ABHD5: variants seen among roughly 807,000 people sequenced by gnomAD.
ABHD5 encodes abhydrolase domain containing 5, lysophosphatidic acid acyltransferase, also known as 1-acylglycerol-3-phosphate O-acyltransferase ABHD5.
Under a neutral mutation model 44.9 loss-of-function variants are expected in ABHD5, and 30 were observed. The ratio of observed to expected loss-of-function variants is 0.67; its 90% confidence interval spans 0.50 to 0.91. ABHD5 has a LOEUF of 0.91. Ranked by LOEUF, ABHD5 falls within the 40% of genes least tolerant of loss-of-function variation. The pLI, the probability that ABHD5 is intolerant of heterozygous loss-of-function variation, is 0.00. For synonymous variants in ABHD5, 167 were observed against 147.0 expected (o/e 1.14, Z -0.99); for missense variants, 399 against 423.4 (o/e 0.94, Z 0.50).
Position 43,699,052 on chromosome 3 carries a change from A to G in ABHD5, c.48-224A>G, listed in dbSNP as rs145889109. 6.4e-4 allele frequency among the ~76,000 whole-genome samples: 98 copies of G among 152,304 alleles called. 2 individuals are homozygous for G. The highest frequency in any genetic ancestry group is 2.3e-3 in the African/African-American group (95 of 41,578). On this transcript the variant is annotated intron_variant, in intron 1 of 6. Coordinates refer to ENST00000644371, the MANE Select transcript of ABHD5 (RefSeq NM_016006.6). ...TGGAATCTGACTATCCATGAATAAG[A>G]TGGACTTTGAGATCTACTTGTAAGT...
At chr3:43,704,599 G>C (rs2084592048) in intron 3 of ABHD5, among the ~76,000 whole-genome samples, 1 of 152,162 alleles carries the variant, frequency 6.6e-6, no homozygotes. Context: ...ACCCTTCATA[G>C]CTCTCTACTG....
At chr3:43,715,246 C>T (rs554948492) in intron 5 of ABHD5, among the ~76,000 whole-genome samples, 188 bp downstream of exon 5, 13 of 152,168 alleles carry the variant, frequency 8.5e-5, no homozygotes, top group Middle Eastern at 3.4e-3. Context: ...CCACAACCTC[C>T]GCGTCCTGGG....
chr3:43,706,353 G>A (rs2084619149), intron 3 of ABHD5, among the ~76,000 whole-genome samples: 1 of 152,114 alleles, frequency 6.6e-6, no homozygotes, highest in Non-Finnish European at 1.5e-5. Flanking sequence ...GGGGGGAGCG[G>A]TAAGAGGAGG....
chr3:43,719,601 C>T lies in ABHD5; in HGVS notation c.*1069C>T, dbSNP rs1377414003. 1.3e-5 allele frequency: 2 copies of T among 152,146 alleles called. No homozygotes were observed. The highest frequency in any genetic ancestry group is 4.8e-5 in the African/African-American group (2 of 41,432). 9.4% of individuals were successfully genotyped at this position (152,146 alleles called of 1,614,324 possible). A position where few individuals can be genotyped will look rare whatever the true frequency, so the allele number is the denominator to read the frequency against. On this transcript the variant is annotated 3_prime_UTR_variant, in exon 7 of 7. Coordinates refer to ENST00000644371, the MANE Select transcript of ABHD5 (RefSeq NM_016006.6). Reference sequence around the variant, plus strand: ...GAGTATTGTGTTAATTAAATCATTACATACTTGAAGTTATATTACAAAAAT... The same window carrying T: ...GAGTATTGTGTTAATTAAATCATTATATACTTGAAGTTATATTACAAAAAT...
chr3:43,700,040 G>C (rs1423854719), intron 2 of ABHD5, among the ~76,000 whole-genome samples: 1 of 152,200 alleles, frequency 6.6e-6, no homozygotes, highest in Non-Finnish European at 1.5e-5. Flanking sequence ...TTCAGAGCAA[G>C]CAGCCTTGTA....
Position 43,722,432 on chromosome 3 carries a change from AT to A in ABHD5, c.*3901del, listed in dbSNP as rs2084847381. 6.6e-6 allele frequency: 1 copy of A among 152,232 alleles called. No individual in the cohort carries two copies. The highest frequency in any genetic ancestry group is 2.1e-4 in the South Asian group (1 of 4,832). The allele number at this position is 152,232 out of a possible 1,614,324, so 9.4% of individuals were successfully genotyped here. ...AGCAATAGAAGAATTAGTTATACCAATAACTAATAAAATGATCTCCTTGTTA... is the reference window on the plus strand; with the variant it reads ...AGCAATAGAAGAATTAGTTATACCAAAACTAATAAAATGATCTCCTTGTTA... On this transcript the variant is annotated 3_prime_UTR_variant, in exon 7 of 7. Transcript: ENST00000644371.
downstream of ABHD5, among the ~76,000 whole-genome samples, chr3:43,723,138 G>A (rs942080362): frequency 4.6e-5 from 7 of 152,134 alleles, no homozygotes; most frequent in African/African-American, 1.7e-4. Flanking sequence ...GTGAGCATCA[G>A]AAAGAATAAT....
At chr3:43,727,346 T>C (rs1241354547), downstream of ABHD5, among the ~76,000 whole-genome samples, 1 of 152,230 alleles carries the variant, frequency 6.6e-6, no homozygotes, top group Non-Finnish European at 1.5e-5. Flanking sequence ...TAGTCCCCAT[T>C]GGACCTTATT....
chr3:43,731,701 G>A (rs958730389), intron 7 of ABHD5, among the ~76,000 whole-genome samples: 3 of 152,038 alleles, frequency 2.0e-5, no homozygotes, highest in South Asian at 2.1e-4. Context: ...GTGTGGTGGC[G>A]CATGCCTGTA....
rs886058509 is a variant in ABHD5, at chr3:43,722,293, A to G, written c.*3761A>G. 2.0e-5 allele frequency: 3 copies of G among 152,240 alleles called. No homozygotes were observed. The highest frequency in any genetic ancestry group is 3.8e-4 in the East Asian group (2 of 5,206). The allele number at this position is 152,240 out of a possible 1,614,324, so 9.4% of individuals were successfully genotyped here. On this transcript the variant is annotated 3_prime_UTR_variant, in exon 7 of 7. Coordinates refer to ENST00000644371, the MANE Select transcript of ABHD5 (RefSeq NM_016006.6). ...ATTTTTGTAGTTCTGGTCTGGAGAAATCTCCAGAATATAGGAAATGAAAAA... is the reference window on the plus strand; with the variant it reads ...ATTTTTGTAGTTCTGGTCTGGAGAAGTCTCCAGAATATAGGAAATGAAAAA...
chr3:43,701,717 C>T (rs1452116926), intron 2 of ABHD5, among the ~76,000 whole-genome samples: 2 of 152,032 alleles, frequency 1.3e-5, no homozygotes, highest in Non-Finnish European at 2.9e-5. Flanking sequence ...ACATAGATAC[C>T]AGTAATCCTT....
intron 3 of ABHD5, among the ~76,000 whole-genome samples, chr3:43,710,647 A>G (rs940250047): frequency 1.3e-5 from 2 of 152,252 alleles, no homozygotes; most frequent in African/African-American, 4.8e-5. Flanking sequence ...GCTGACAACA[A>G]TAATAGAATA....
chr3:43,697,387 T>A (rs2084486793), intron 1 of ABHD5, among the ~76,000 whole-genome samples: 1 of 152,166 alleles, frequency 6.6e-6, no homozygotes, highest in Non-Finnish European at 1.5e-5. Flanking sequence ...ATAATTGTGA[T>A]ATGGTTCGAG....
intron 5 of ABHD5, among the ~76,000 whole-genome samples, chr3:43,715,401 C>A (rs1234774539): frequency 1.3e-5 from 2 of 152,082 alleles, no homozygotes; most frequent in Non-Finnish European, 2.9e-5. Context: ...GACCCCAGGT[C>A]ATCTGCCCGC....
At chr3:43,707,107 C>T (rs956650227) in intron 3 of ABHD5, among the ~76,000 whole-genome samples, 8 of 152,098 alleles carry the variant, frequency 5.3e-5, no homozygotes, top group East Asian at 1.9e-4. Context: ...GCACCTGGCC[C>T]GGTTTTTTCT....
At chr3:43,726,675 C>T (rs938407595), downstream of ABHD5, among the ~76,000 whole-genome samples, 12 of 152,336 alleles carry the variant, frequency 7.9e-5, no homozygotes, top group South Asian at 2.1e-4. Flanking sequence ...CAGTCTGTTT[C>T]GGCAAACATC....
chr3:43,694,103 C>T (rs1297971191), intron 1 of ABHD5, among the ~76,000 whole-genome samples: 1 of 150,732 alleles, frequency 6.6e-6, no homozygotes, highest in Non-Finnish European at 1.5e-5. Context: ...ATTAAAAATA[C>T]AAAAAAATTA....
intron 7 of ABHD5, among the ~76,000 whole-genome samples, chr3:43,733,721 A>T (rs116734894): frequency 6.4e-4 from 97 of 152,336 alleles, no homozygotes; most frequent in African/African-American, 2.3e-3. Flanking sequence ...TCAAGGAGAA[A>T]AACGTATTTG....
chr3:43,702,014 T>TGC, intron 2 of ABHD5: 1 of 540,550 alleles, frequency 1.8e-6, no homozygotes, highest in Non-Finnish European at 3.2e-6. Flanking sequence ...CTGAGGTAGG[T>TGC]CTTCCCCTTT....
Sources: allele counts gnomAD v4.1 joint callset (sites outside exome capture counted in the v4.1 genomes callset), GRCh38; gene constraint gnomAD v4.1.1; transcripts MANE v1.5; gene names NCBI Gene and HGNC (gene_info 2026-07-23, HGNC 2026-07-21).